The following UGT3A1 variants were observed in gnomAD, a reference collection of about 807,000 sequenced individuals.
The protein encoded by UGT3A1 is UDP-glycosyltransferase 3A1.
In UGT3A1, 40 loss-of-function variants were observed where a neutral mutation model predicts 37.6. That is an observed-to-expected ratio of 1.06 (90% CI 0.83 to 1.38). UGT3A1 has a LOEUF of 1.38. Among genes scored for constraint, UGT3A1 ranks in the 40% most tolerant of loss-of-function variants. The pLI is 0.00. For missense variants in UGT3A1, 642 were observed against 634.2 expected (o/e 1.01, Z -0.13); for synonymous variants, 256 against 232.3 (o/e 1.10, Z -0.93).
chr5:35,998,063 C>G (rs1320782952), intron 1 of UGT3A1, among the ~76,000 whole-genome samples: 1 of 152,190 alleles, frequency 6.6e-6, no homozygotes, highest in Non-Finnish European at 1.5e-5. Context: ...TCCCTTATGG[C>G]TCAACCTCTG....
In UGT3A1 at chr5:35,951,429, G is replaced by GTTACTC. The variant is rs1739199040; in HGVS notation, c.*2767_*2772dup. On this transcript the variant is annotated 3_prime_UTR_variant, in exon 7 of 7. Coordinates refer to ENST00000274278, the MANE Select transcript of UGT3A1 (RefSeq NM_152404.4). ...TATAAAAAAAAGGATACATCCTATA[G>GTTACTC]TTACTCTTACTCTTTGCTATTTTTT... 1 of 151,892 alleles carries GTTACTC rather than the reference G, an allele frequency of 6.6e-6. No individual in the cohort carries two copies. Among genetic ancestry groups the GTTACTC allele is most frequent in the Non-Finnish European group, 1.5e-5 (1 of 67,944 alleles). 9.4% of individuals were successfully genotyped at this position (151,892 alleles called of 1,614,324 possible).
chr5:35,978,089 C>G (rs984216408), intron 2 of UGT3A1, among the ~76,000 whole-genome samples: 1 of 152,140 alleles, frequency 6.6e-6, no homozygotes, highest in African/African-American at 2.4e-5. Context: ...GGCTGGAGTG[C>G]AGTGGTGTGA....
intron 1 of UGT3A1, among the ~76,000 whole-genome samples, chr5:36,000,089 A>G (rs555471301): frequency 7.9e-5 from 12 of 152,306 alleles, no homozygotes; most frequent in Non-Finnish European, 1.5e-4. Context: ...GGAGAGGCCC[A>G]ATGGAATAAT....
At chr5:35,957,986 G>A (rs943992379) in intron 4 of UGT3A1, among the ~76,000 whole-genome samples, 2 of 152,244 alleles carry the variant, frequency 1.3e-5, no homozygotes, top group Non-Finnish European at 2.9e-5. Context: ...CCAAGCTATT[G>A]CTGTAGTAAT....
upstream of UGT3A1, chr5:35,991,428 C>T: frequency 1.4e-6 from 2 of 1,441,572 alleles, no homozygotes; most frequent in Non-Finnish European, 1.8e-6. Context: ...TCCCTGGGTG[C>T]ATGCTCCATG....
chr5:35,991,100 G>A (rs577634032), intron 1 of UGT3A1, 47 bp downstream of exon 1: 46 of 1,614,124 alleles, frequency 2.8e-5, no homozygotes, highest in Admixed American at 1.5e-4. Flanking sequence ...TGGCAGTGCG[G>A]GGATCCGGGA....
chr5:35,955,377 T>C, intron 6 of UGT3A1: 1 of 586,788 alleles, frequency 1.7e-6, no homozygotes, highest in South Asian at 2.2e-5. Flanking sequence ...CTAGAGGGAC[T>C]CCCAAATATA....
chr5:35,979,634 G>T (rs1370314909), intron 2 of UGT3A1, among the ~76,000 whole-genome samples: 2 of 152,078 alleles, frequency 1.3e-5, no homozygotes, highest in Admixed American at 1.3e-4. Flanking sequence ...CTCCTTCTGA[G>T]CCCTCCAAAC....
chr5:35,968,145 C>A lies in UGT3A1; in HGVS notation c.197-12G>T, dbSNP rs777846903. 4.5e-6 allele frequency: 7 copies of A among 1,539,588 alleles called. No homozygotes were observed. In the African/African-American group the frequency reaches 9.6e-5, roughly 21 times the overall value. On this transcript the variant is annotated splice_polypyrimidine_tract_variant and intron_variant, in intron 2 of 6. Transcript: ENST00000274278. ...CTCCTCTTTAATATCTAAGAAAACA[C>A]CAATTGGTTAAAAAGGTAAATATAT...
chr5:35,957,661 T>A (rs1739411280), intron 4 of UGT3A1, among the ~76,000 whole-genome samples: 1 of 152,206 alleles, frequency 6.6e-6, no homozygotes, highest in Non-Finnish European at 1.5e-5. Flanking sequence ...ATATAAATTA[T>A]AAATTTGTGA....
At chr5:35,962,605 C>A in intron 4 of UGT3A1, 1 of 381,052 alleles carries the variant, frequency 2.6e-6, no homozygotes, top group Non-Finnish European at 4.8e-6. Flanking sequence ...ACACTGTCAG[C>A]AAAGATCTAG....
exon 2 of UGT3A1, chr5:35,997,301 G>A (rs1741120167): frequency 1.3e-5 from 2 of 152,164 alleles, no homozygotes; most frequent in Admixed American, 1.3e-4. Context: ...TGTAGGTCCA[G>A]ACAGCCAATA....
rs1739260407 is a variant in UGT3A1, at chr5:35,954,130, G to A, written c.*72C>T. On this transcript the variant is annotated 3_prime_UTR_variant, in exon 7 of 7. Transcript: ENST00000274278. ...GAGCTGAAGAGAGAACAGAGGGGTG[G>A]CGTGTGCTGGGGTGGGGAGAACCTT... 2 of 1,501,238 alleles carry A rather than the reference G, an allele frequency of 1.3e-6. No individual in the cohort carries two copies. The highest frequency in any genetic ancestry group is 1.8e-6 in the Non-Finnish European group (2 of 1,098,922). The allele number at this position is 1,501,238 out of a possible 1,614,324, so 93.0% of individuals were successfully genotyped here. A position where few individuals can be genotyped will look rare whatever the true frequency, so the allele number is the denominator to read the frequency against.
At chr5:35,984,276 A>AAT (rs1740642867) in intron 2 of UGT3A1, among the ~76,000 whole-genome samples, 1 of 152,222 alleles carries the variant, frequency 6.6e-6, no homozygotes, top group African/African-American at 2.4e-5. Flanking sequence ...CTGAAAAAGA[A>AAT]AGCAATAAAG....
chr5:35,988,798 G>T lies in UGT3A1; in HGVS notation c.95-247C>A, dbSNP rs115771000. Among the ~76,000 whole-genome samples the T allele has an allele frequency of 2.0e-3, 302 of 152,228 alleles. 1 individual carries two copies. The highest frequency in any genetic ancestry group is 3.4e-3 in the Non-Finnish European group (234 of 68,008). On this transcript the variant is annotated intron_variant, in intron 1 of 6. Coordinates refer to ENST00000274278, the MANE Select transcript of UGT3A1 (RefSeq NM_152404.4). ...TGGCAATCCTCCATCAAAGATTTCCGCTTGTGGCTCAAAGACTCCATGTCA... is the reference window on the plus strand; with the variant it reads ...TGGCAATCCTCCATCAAAGATTTCCTCTTGTGGCTCAAAGACTCCATGTCA...
upstream of UGT3A1, among the ~76,000 whole-genome samples, chr5:35,992,849 ACTC>A (rs893019333): frequency 1.3e-5 from 2 of 152,114 alleles, no homozygotes; most frequent in African/African-American, 2.4e-5. Flanking sequence ...GGGACACAAA[ACTC>A]ATTTGACCAA....
chr5:35,986,833 G>A (rs1002979179), intron 2 of UGT3A1, among the ~76,000 whole-genome samples: 3 of 152,094 alleles, frequency 2.0e-5, no homozygotes, highest in Admixed American at 2.0e-4. Flanking sequence ...TAGTTTGAAT[G>A]TTTCTAGAAT....
At chr5:35,973,312 A>G (rs1439930117) in intron 2 of UGT3A1, among the ~76,000 whole-genome samples, 2 of 152,192 alleles carry the variant, frequency 1.3e-5, no homozygotes, top group Non-Finnish European at 1.5e-5. Flanking sequence ...ACTATACACC[A>G]AAAGAACAAT....
At chr5:36,000,507 G>A (rs967335755) in intron 1 of UGT3A1, among the ~76,000 whole-genome samples, 2 of 152,120 alleles carry the variant, frequency 1.3e-5, no homozygotes, top group Non-Finnish European at 2.9e-5. Context: ...CAAAATTAGA[G>A]GGTTTAGACT....
Sources: allele counts gnomAD v4.1 joint callset (sites outside exome capture counted in the v4.1 genomes callset), GRCh38; gene constraint gnomAD v4.1.1; transcripts MANE v1.5; gene names NCBI Gene and HGNC (gene_info 2026-07-23, HGNC 2026-07-21).